The following SLC24A3 variants were observed in gnomAD, a reference collection of about 807,000 sequenced individuals.
SLC24A3 encodes sodium/potassium/calcium exchanger 3.
A neutral mutation model predicts 75.8 loss-of-function variants in SLC24A3; 28 were observed. That is an observed-to-expected ratio of 0.37 (90% confidence interval 0.27 to 0.51). The LOEUF is 0.51. Among genes scored for constraint, SLC24A3 ranks in the 20% least tolerant of loss-of-function variants. SLC24A3 has a pLI of 0.94. For missense variants in SLC24A3, 663 were observed against 847.8 expected, an observed-to-expected ratio of 0.78 and a Z score of 2.71; for synonymous variants, 372 against 334.1, an observed-to-expected ratio of 1.11 and a Z score of -1.24.
chr20:19,594,912 G>C (rs1271451985), intron 6 of SLC24A3, among the ~76,000 whole-genome samples: 1 of 152,200 alleles, frequency 6.6e-6, no homozygotes, highest in Non-Finnish European at 1.5e-5. Context: ...AGCACTGATA[G>C]CATAGTGCCG....
intron 3 of SLC24A3, among the ~76,000 whole-genome samples, chr20:19,535,552 A>G (rs1261830943): frequency 6.6e-6 from 1 of 152,184 alleles, no homozygotes; most frequent in African/African-American, 2.4e-5. Flanking sequence ...AGTACATTCT[A>G]TTGGTCAAAG....
chr20:19,416,016 G>A (rs139030135), intron 2 of SLC24A3, among the ~76,000 whole-genome samples: 1 of 152,172 alleles, frequency 6.6e-6, no homozygotes, highest in South Asian at 2.1e-4. Context: ...TATTAGCTCT[G>A]TAAGTTTGGC....
chr20:19,576,641 AC>A (rs1283900987), intron 3 of SLC24A3, among the ~76,000 whole-genome samples: 1 of 152,124 alleles, frequency 6.6e-6, no homozygotes, highest in Non-Finnish European at 1.5e-5. Context: ...GATAGTCATT[AC>A]CCTCAAAAGT....
intron 2 of SLC24A3, among the ~76,000 whole-genome samples, chr20:19,404,174 A>G (rs6046058): frequency 0.025 from 3,837 of 152,260 alleles, 168 homozygotes; most frequent in African/African-American, 0.085. Context: ...TTACTCAGCA[A>G]ATATTTTTGA....
intron 6 of SLC24A3, among the ~76,000 whole-genome samples, chr20:19,604,212 A>C (rs1303725268): frequency 6.6e-6 from 1 of 151,556 alleles, no homozygotes; most frequent in Non-Finnish European, 1.5e-5. Flanking sequence ...TGAAGAGAGT[A>C]AAATAGGGGG....
At chr20:19,704,449 G>A (rs1454359275) in intron 15 of SLC24A3, among the ~76,000 whole-genome samples, 1 of 152,190 alleles carries the variant, frequency 6.6e-6, no homozygotes, top group Admixed American at 6.5e-5. Context: ...CCAGGAACTT[G>A]TCAAGGCAAT....
chr20:19,271,087 C>T (rs1269303288), intron 1 of SLC24A3, among the ~76,000 whole-genome samples: 1 of 152,136 alleles, frequency 6.6e-6, no homozygotes, highest in Non-Finnish European at 1.5e-5. Flanking sequence ...AACTCCTGGG[C>T]TCAGCCCTAT....
intron 2 of SLC24A3, among the ~76,000 whole-genome samples, chr20:19,333,461 G>A (rs974391268): frequency 1.3e-5 from 2 of 152,174 alleles, no homozygotes; most frequent in Non-Finnish European, 2.9e-5. Flanking sequence ...TGCAAAGAGC[G>A]GTGTGGGAAG....
intron 2 of SLC24A3, among the ~76,000 whole-genome samples, chr20:19,287,432 G>T (rs1983842397): frequency 6.6e-6 from 1 of 152,222 alleles, no homozygotes; most frequent in African/African-American, 2.4e-5. Flanking sequence ...GAAGAAACAG[G>T]TTTGGTGAAC....
chr20:19,472,881 G>A (rs1043459666), intron 2 of SLC24A3, among the ~76,000 whole-genome samples: 2 of 152,238 alleles, frequency 1.3e-5, no homozygotes, highest in East Asian at 3.8e-4. Flanking sequence ...TTCCCCTGCG[G>A]CTGCATACAG....
At chr20:19,242,038 G>T (rs1425237382) in intron 1 of SLC24A3, among the ~76,000 whole-genome samples, 1 of 152,124 alleles carries the variant, frequency 6.6e-6, no homozygotes. Context: ...AAAGTGACTG[G>T]CTCCAGCACA....
chr20:19,616,337 C>CAGCA (rs2031735653), intron 6 of SLC24A3, among the ~76,000 whole-genome samples: 1 of 152,222 alleles, frequency 6.6e-6, no homozygotes, highest in Non-Finnish European at 1.5e-5. Context: ...TGCAGCTGGA[C>CAGCA]AGCAGATCCT....
intron 3 of SLC24A3, among the ~76,000 whole-genome samples, chr20:19,537,047 G>A (rs1244820261): frequency 2.0e-5 from 3 of 152,146 alleles, no homozygotes; most frequent in Non-Finnish European, 4.4e-5. Flanking sequence ...AAACTAAAGA[G>A]CTTCTGCACA....
chr20:19,310,632 G>C (rs980446747), intron 2 of SLC24A3, among the ~76,000 whole-genome samples: 4 of 152,230 alleles, frequency 2.6e-5, no homozygotes, highest in Non-Finnish European at 5.9e-5. Flanking sequence ...CTTCCTCATA[G>C]ATGTCTGCAG....
intron 2 of SLC24A3, among the ~76,000 whole-genome samples, chr20:19,346,497 T>A (rs1407298080): frequency 6.6e-6 from 1 of 151,028 alleles, no homozygotes; most frequent in East Asian, 2.0e-4. Flanking sequence ...AATGAAATAA[T>A]GGCATAATGA....
At chr20:19,684,611 T>C (rs2236199) in intron 11 of SLC24A3, among the ~76,000 whole-genome samples, 21,192 of 152,210 alleles carry the variant, frequency 0.14, 1,974 homozygotes, top group African/African-American at 0.26. Flanking sequence ...TTCTTCCATT[T>C]GAATAAAGCC....
At position 19,217,348 on chromosome 20, in the gene SLC24A3, A is replaced by C. The variant is rs80051091; in HGVS notation, c.142+4364A>C. ...GCCTTTTTAAAAACCCAAGGATCTG[A>C]AGGGATCATAACTTGGTAGTGAATG... On this transcript the variant is annotated intron_variant, in intron 1 of 16. Transcript: ENST00000328041. 3.3e-5 allele frequency among the ~76,000 whole-genome samples: 5 copies of C among 152,292 alleles called. No homozygotes were observed. In the East Asian group the frequency reaches 9.6e-4, roughly 29 times the overall value.
At chr20:19,418,863 A>G (rs79502766) in intron 2 of SLC24A3, among the ~76,000 whole-genome samples, 93 of 152,270 alleles carry the variant, frequency 6.1e-4, no homozygotes, top group African/African-American at 2.1e-3. Context: ...TCAGGAGCCA[A>G]TTTGGAGAGA....
intron 6 of SLC24A3, among the ~76,000 whole-genome samples, chr20:19,646,350 G>A (rs1055091243): frequency 7.9e-5 from 12 of 151,988 alleles, no homozygotes; most frequent in Non-Finnish European, 1.8e-4. Context: ...TTTGAGATAT[G>A]CTTATCTCAA....
Sources: allele counts gnomAD v4.1 joint callset (sites outside exome capture counted in the v4.1 genomes callset), GRCh38; gene constraint gnomAD v4.1.1; transcripts MANE v1.5; gene names NCBI Gene and HGNC (gene_info 2026-07-23, HGNC 2026-07-21).